The following RABL2B variants were observed in gnomAD, a reference collection of about 807,000 sequenced individuals.
The protein encoded by RABL2B is RAB, member of RAS oncogene family like 2B, also known as rab-like protein 2B.
A neutral mutation model predicts 26.7 loss-of-function variants in RABL2B; 17 were observed. The ratio of observed to expected loss-of-function variants is 0.64; its 90% CI spans 0.44 to 0.95. The LOEUF (loss-of-function observed/expected upper bound fraction) is 0.95. RABL2B is among the 40% of genes least tolerant of loss of function. The probability of loss-of-function intolerance (pLI) is 0.00; values close to 1 mark genes in which losing one functional copy is unlikely to be tolerated. For synonymous variants in RABL2B, 70 were observed against 103.9 expected (o/e 0.67, Z 1.99); for missense variants, 170 against 277.2 (o/e 0.61, Z 2.75).
intron 2 of RABL2B, among the ~76,000 whole-genome samples, chr22:50,779,266 G>A (rs1555926674): frequency 6.6e-6 from 1 of 151,748 alleles, no homozygotes; most frequent in Non-Finnish European, 1.5e-5. Context: ...CAGCTTAGCA[G>A]AGAACCAGCT....
chr22:50,773,210 C>T (rs1392099303), intron 5 of RABL2B: 1 of 1,273,608 alleles, frequency 7.9e-7, no homozygotes, highest in African/African-American at 1.5e-5. Flanking sequence ...GAGGGTCAGA[C>T]TTCTGCACTA....
At chr22:50,781,536 G>A (rs2085881871) in intron 2 of RABL2B, among the ~76,000 whole-genome samples, 1 of 152,078 alleles carries the variant, frequency 6.6e-6, no homozygotes, top group African/African-American at 2.4e-5. Context: ...AGAAACCAAG[G>A]TGGGCCTGGA....
At chr22:50,783,229 ACTATAGG>A (rs2086171067) in intron 1 of RABL2B, 3 of 165,580 alleles carry the variant, frequency 1.8e-5, no homozygotes, top group African/African-American at 7.2e-5. Flanking sequence ...GCATCCCTGG[ACTATAGG>A]CGTGAGCCAC....
intron 2 of RABL2B, among the ~76,000 whole-genome samples, chr22:50,778,697 C>A (rs1185372731): frequency 1.4e-5 from 2 of 142,434 alleles, no homozygotes; most frequent in Non-Finnish European, 3.0e-5. Flanking sequence ...TGTTGAAATG[C>A]TCCTGCCAAA....
At chr22:50,772,565 A>T (rs2084343693) in intron 5 of RABL2B, 10 of 994,786 alleles carry the variant, frequency 1.0e-5, no homozygotes, top group Non-Finnish European at 1.2e-5. Flanking sequence ...TAAATCACCC[A>T]GCTATTTGTG....
intron 5 of RABL2B, 52 bp downstream of exon 5, chr22:50,775,720 C>T: frequency 7.5e-6 from 12 of 1,605,864 alleles, no homozygotes; most frequent in Middle Eastern, 1.7e-4. Context: ...GCCCCTCACC[C>T]CTCAGGCCAG....
chr22:50,770,591 A>T (rs1277401619), intron 5 of RABL2B: 7 of 153,656 alleles, frequency 4.6e-5, no homozygotes, highest in African/African-American at 1.7e-4. Flanking sequence ...TTTAACAATC[A>T]TAAATGGAAT....
chr22:50,769,269 CTATG>C (rs1555916302), intron 7 of RABL2B, 145 bp from the exon 8 acceptor site: 1 of 711,304 alleles, frequency 1.4e-6, no homozygotes, highest in East Asian at 2.7e-5. Context: ...TCACCCTGAC[CTATG>C]TATGGTCAAT....
chr22:50,778,031 C>A (rs782692137), intron 2 of RABL2B, 50 bp from the exon 3 acceptor site: 5 of 1,613,902 alleles, frequency 3.1e-6, no homozygotes, highest in Non-Finnish European at 4.2e-6. Context: ...ATCTCTCCCT[C>A]GTCCCAGACT....
At chr22:50,771,945 T>A (rs1173626797) in intron 5 of RABL2B, 108 of 152,286 alleles carry the variant, frequency 7.1e-4, no homozygotes, top group African/African-American at 2.4e-3. Flanking sequence ...TTATGTTTTA[T>A]TATTTGCAGT....
chr22:50,782,485 A>C, intron 1 of RABL2B, 138 bp from the exon 2 acceptor site: 1 of 1,413,770 alleles, frequency 7.1e-7, no homozygotes, highest in Non-Finnish European at 9.7e-7. Flanking sequence ...GACTTGGAGT[A>C]GCAGAGTATG....
intron 5 of RABL2B, among the ~76,000 whole-genome samples, chr22:50,774,842 A>T (rs1174207695): frequency 6.6e-6 from 1 of 150,812 alleles, no homozygotes; most frequent in Non-Finnish European, 1.5e-5. Flanking sequence ...CAATGGTGTG[A>T]TCTCGGCTCA....
chr22:50,769,644 G>T, intron 6 of RABL2B, 92 bp from the exon 7 acceptor site: 2 of 1,588,336 alleles, frequency 1.3e-6, no homozygotes, highest in Non-Finnish European at 1.7e-6. Flanking sequence ...ATTCCAGAAA[G>T]TGGGATAGGC....
chr22:50,777,432 G>A (rs1443182487), intron 3 of RABL2B, among the ~76,000 whole-genome samples: 1 of 143,506 alleles, frequency 7.0e-6, no homozygotes, highest in Non-Finnish European at 1.5e-5. Context: ...CTCACCTGTG[G>A]TTCTCAGTGG....
At position 50,776,800 on chromosome 22, in the gene RABL2B, G is replaced by A. The variant is rs781821148; in HGVS notation, c.138-51C>T. Reference sequence around the variant, plus strand: ...CAATAAAAGGGGAGGTAAGGAAGGAGTGGGGAGCAGGGGTGTTTGGTTTGA... The same window carrying A: ...CAATAAAAGGGGAGGTAAGGAAGGAATGGGGAGCAGGGGTGTTTGGTTTGA... On this transcript the variant is annotated intron_variant, in intron 3 of 8. Transcript: ENST00000691320. The A allele has an allele frequency of 2.8e-5, 44 of 1,563,764 alleles. No homozygotes were observed. The African/African-American group carries it at 3.3e-4, about 12-fold the overall frequency.
chr22:50,773,980 T>C (rs8143140), intron 5 of RABL2B, among the ~76,000 whole-genome samples: 1 of 152,194 alleles, frequency 6.6e-6, no homozygotes, highest in East Asian at 1.9e-4. Context: ...CTGCAAGCTC[T>C]GCCTCCCGGG....
At chr22:50,769,742 C>G in intron 6 of RABL2B, 163 bp downstream of exon 6, 1 of 877,362 alleles carries the variant, frequency 1.1e-6, no homozygotes, top group Non-Finnish European at 1.7e-6. Context: ...TAGCTGGCTT[C>G]TTTATAAGGT....
chr22:50,781,710 G>A (rs1163362318), intron 2 of RABL2B, among the ~76,000 whole-genome samples: 3 of 152,116 alleles, frequency 2.0e-5, no homozygotes, highest in Admixed American at 1.3e-4. Context: ...TCACCTCTCC[G>A]GGTGGCACGT....
chr22:50,772,344 T>A, intron 5 of RABL2B: 2 of 985,452 alleles, frequency 2.0e-6, no homozygotes, highest in Non-Finnish European at 2.4e-6. Context: ...CTACCTATTT[T>A]AAAATATCAG....
Sources: allele counts gnomAD v4.1 joint callset (sites outside exome capture counted in the v4.1 genomes callset), GRCh38; gene constraint gnomAD v4.1.1; transcripts MANE v1.5; gene names NCBI Gene and HGNC (gene_info 2026-07-23, HGNC 2026-07-21).